SGCZ: variants seen among roughly 807,000 people sequenced by gnomAD.
The protein encoded by SGCZ is sarcoglycan zeta.
In SGCZ, 40 loss-of-function variants were observed where a neutral mutation model predicts 41.3. The observed-to-expected ratio is 0.97, with a 90% CI of 0.75 to 1.26. SGCZ has a LOEUF of 1.26. Among genes scored for constraint, SGCZ ranks in the 50% most tolerant of loss-of-function variants. SGCZ has a pLI of 0.00. For missense variants in SGCZ, 552 were observed against 369.8 expected (o/e 1.49, Z -4.04); for synonymous variants, 206 against 137.5 (o/e 1.50, Z -3.49).
chr8:14,192,332 T>A (rs374946115), intron 4 of SGCZ, among the ~76,000 whole-genome samples: 6 of 152,086 alleles, frequency 3.9e-5, no homozygotes, highest in East Asian at 1.9e-4. Context: ...ACAACTACCA[T>A]CAAATATTCT....
chr8:15,199,083 C>G (rs1800819305), intron 1 of SGCZ, among the ~76,000 whole-genome samples: 1 of 152,102 alleles, frequency 6.6e-6, no homozygotes, highest in South Asian at 2.1e-4. Context: ...AACTAGGTAC[C>G]AAAACTTCAT....
intron 2 of SGCZ, among the ~76,000 whole-genome samples, chr8:14,446,752 G>A (rs1800443470): frequency 6.6e-6 from 1 of 152,066 alleles, no homozygotes; most frequent in Non-Finnish European, 1.5e-5. Flanking sequence ...CTGTAATTGA[G>A]TCTTCATGCA....
chr8:14,140,289 T>G (rs554507349), intron 5 of SGCZ, among the ~76,000 whole-genome samples: 4 of 152,254 alleles, frequency 2.6e-5, no homozygotes, highest in African/African-American at 9.6e-5. Context: ...CCACCACTCA[T>G]ATTCAACATA....
intron 1 of SGCZ, among the ~76,000 whole-genome samples, chr8:14,602,913 A>G (rs1433078178): frequency 6.6e-6 from 1 of 152,186 alleles, no homozygotes; most frequent in South Asian, 2.1e-4. Context: ...AAGGAAATGG[A>G]GATTTGATAA....
intron 1 of SGCZ, among the ~76,000 whole-genome samples, chr8:15,078,521 A>G (rs73522886): frequency 0.05 from 7,587 of 152,018 alleles, 602 homozygotes; most frequent in African/African-American, 0.17. Flanking sequence ...CATGAGAAGG[A>G]TGTGATATCT....
chr8:14,438,002 C>A (rs1200828391), intron 2 of SGCZ, among the ~76,000 whole-genome samples: 1 of 151,716 alleles, frequency 6.6e-6, no homozygotes, highest in Admixed American at 6.6e-5. Context: ...ATTTTATGAG[C>A]ATTGTAATTT....
rs1457213463 is a variant in SGCZ at position 14,702,809 on chromosome 8, TTAGGTAGA to T, written c.40-147891_40-147884del. Among the ~76,000 whole-genome samples the T allele has an allele frequency of 1.7e-3, 197 of 117,410 alleles. 6 individuals are homozygous for T. The highest frequency in any genetic ancestry group is 9.6e-3 in the Middle Eastern group (2 of 208). 77.0% of individuals were successfully genotyped at this position (117,410 alleles called of 152,430 possible). On this transcript the variant is annotated intron_variant, in intron 1 of 7. Transcript: ENST00000382080. ...GACAGACAGGCAGACAGGTAGGTAG[TTAGGTAGA>T]TAGATAGATAGATAGATAGATAGAT...
intron 1 of SGCZ, among the ~76,000 whole-genome samples, chr8:14,968,818 G>A (rs899799276): frequency 2.6e-5 from 4 of 152,028 alleles, no homozygotes; most frequent in Non-Finnish European, 4.4e-5. Context: ...ATACACTATC[G>A]GTAACAACTG....
chr8:15,099,909 A>T (rs567148770), intron 1 of SGCZ, among the ~76,000 whole-genome samples: 1 of 152,238 alleles, frequency 6.6e-6, no homozygotes, highest in East Asian at 1.9e-4. Flanking sequence ...ACATACTTTC[A>T]TGATAAAAAC....
At chr8:14,703,400 T>C (rs1809231505) in intron 1 of SGCZ, among the ~76,000 whole-genome samples, 1 of 151,980 alleles carries the variant, frequency 6.6e-6, no homozygotes, top group African/African-American at 2.4e-5. Flanking sequence ...ACTTAGTCTT[T>C]TTATTAGAAT....
At chr8:14,368,340 T>C (rs1330010706) in intron 2 of SGCZ, among the ~76,000 whole-genome samples, 3 of 152,018 alleles carry the variant, frequency 2.0e-5, no homozygotes, top group African/African-American at 7.2e-5. Context: ...AAGAGATTCA[T>C]ATTAGCGGTA....
intron 1 of SGCZ, among the ~76,000 whole-genome samples, chr8:14,855,672 T>C (rs1803524031): frequency 6.6e-6 from 1 of 152,202 alleles, no homozygotes; most frequent in African/African-American, 2.4e-5. Context: ...TGTGGTTGTA[T>C]TATTGCAAAT....
At chr8:14,336,925 T>A (rs1802524221) in intron 2 of SGCZ, among the ~76,000 whole-genome samples, 1 of 152,120 alleles carries the variant, frequency 6.6e-6, no homozygotes, top group Non-Finnish European at 1.5e-5. Flanking sequence ...AGTCACCACA[T>A]CCCACACACT....
intron 2 of SGCZ, among the ~76,000 whole-genome samples, chr8:14,551,608 A>ATATAT (rs1803866414): frequency 2.3e-5 from 1 of 44,222 alleles, no homozygotes; most frequent in Non-Finnish European, 4.0e-5. Flanking sequence ...TATATATATT[A>ATATAT]TATATATACA....
intron 2 of SGCZ, among the ~76,000 whole-genome samples, chr8:14,362,330 G>A (rs1803551553): frequency 6.6e-6 from 1 of 152,198 alleles, no homozygotes; most frequent in South Asian, 2.1e-4. Context: ...TAGGGGCTCT[G>A]CCCAGTTCGA....
intron 5 of SGCZ, among the ~76,000 whole-genome samples, chr8:14,113,575 T>C (rs1349641957): frequency 6.6e-6 from 1 of 152,026 alleles, no homozygotes; most frequent in Non-Finnish European, 1.5e-5. Flanking sequence ...GTTTGATTAA[T>C]GGTAAAACCA....
chr8:14,495,098 C>A (rs1294768366), intron 2 of SGCZ, among the ~76,000 whole-genome samples: 1 of 152,030 alleles, frequency 6.6e-6, no homozygotes, highest in Non-Finnish European at 1.5e-5. Context: ...AGGATTGTTT[C>A]GTACCTCTCA....
chr8:15,010,152 T>A (rs1226278514), intron 1 of SGCZ, among the ~76,000 whole-genome samples: 1 of 152,206 alleles, frequency 6.6e-6, no homozygotes, highest in Non-Finnish European at 1.5e-5. Context: ...AACTTAGCCT[T>A]GAAATTCAAT....
At chr8:14,631,379 G>T (rs1563166104) in intron 1 of SGCZ, among the ~76,000 whole-genome samples, 1 of 152,040 alleles carries the variant, frequency 6.6e-6, no homozygotes, top group Non-Finnish European at 1.5e-5. Context: ...ACTCACGAGA[G>T]CCTATTTTGA....
Sources: gnomAD v4.1 joint callset for allele counts (sites outside exome capture counted in the v4.1 genomes callset) on GRCh38, gnomAD v4.1.1 for gene constraint, MANE v1.5 for transcripts, NCBI Gene and HGNC (gene_info 2026-07-23, HGNC 2026-07-21) for gene names.